PLCB1: variants seen among roughly 807,000 people sequenced by gnomAD.
PLCB1 encodes 1-phosphatidylinositol 4,5-bisphosphate phosphodiesterase beta-1.
A neutral mutation model predicts 161.8 loss-of-function variants in PLCB1; 46 were observed. The ratio of observed to expected loss-of-function variants is 0.28; its 90% CI spans 0.22 to 0.36. The LOEUF (loss-of-function observed/expected upper bound fraction) is 0.36. Among genes scored for constraint, PLCB1 ranks in the 10% least tolerant of loss-of-function variants. The pLI is 1.00. For synonymous variants in PLCB1, 517 were observed against 503.7 expected, an observed-to-expected ratio of 1.03 and a Z score of -0.35; for missense variants, 1,016 against 1,472.5, an observed-to-expected ratio of 0.69 and a Z score of 5.07.
At chr20:8,688,170 T>C (rs1052587907) in intron 10 of PLCB1, among the ~76,000 whole-genome samples, 1 of 152,226 alleles carries the variant, frequency 6.6e-6, no homozygotes, top group Non-Finnish European at 1.5e-5. Flanking sequence ...TTAGCCCACT[T>C]TTTGATGGAA....
intron 31 of PLCB1, among the ~76,000 whole-genome samples, chr20:8,827,056 T>C (rs1324983664): frequency 2.0e-5 from 3 of 152,168 alleles, no homozygotes; most frequent in African/African-American, 7.2e-5. Flanking sequence ...CTAAAGGAGG[T>C]ATAGGATTTT....
intron 2 of PLCB1, among the ~76,000 whole-genome samples, chr20:8,153,841 G>C (rs922325239): frequency 6.6e-6 from 1 of 152,122 alleles, no homozygotes; most frequent in Non-Finnish European, 1.5e-5. Flanking sequence ...AAAGGAATGG[G>C]AGGAAGAACA....
Position 8,329,590 on chromosome 20 carries a change from G to C in PLCB1, c.178-41792G>C, listed in dbSNP as rs114085821. ...ATTTCCAGAAAATTACAATGATCCA[G>C]GTTCTTCGCTGAAGCTACCATATCT... On this transcript the variant is annotated intron_variant, in intron 2 of 31. Coordinates refer to ENST00000338037, the MANE Select transcript of PLCB1 (RefSeq NM_015192.4). Among the ~76,000 whole-genome samples the C allele has an allele frequency of 6.4e-3, 981 of 152,242 alleles. 10 individuals carry two copies. The highest frequency in any genetic ancestry group is 0.022 in the African/African-American group (900 of 41,534).
At chr20:8,838,559 T>A (rs1986378796) in intron 31 of PLCB1, among the ~76,000 whole-genome samples, 1 of 152,234 alleles carries the variant, frequency 6.6e-6, no homozygotes, top group Non-Finnish European at 1.5e-5. Context: ...GCTATATTGG[T>A]TCTTGTGACC....
intron 31 of PLCB1, among the ~76,000 whole-genome samples, chr20:8,812,111 T>G (rs1984852540): frequency 6.6e-6 from 1 of 152,094 alleles, no homozygotes; most frequent in African/African-American, 2.4e-5. Flanking sequence ...AAGTCAGATC[T>G]GGGGGGCTAG....
chr20:8,642,146 T>A (rs942068311), intron 4 of PLCB1, among the ~76,000 whole-genome samples: 2 of 152,094 alleles, frequency 1.3e-5, no homozygotes, highest in African/African-American at 4.8e-5. Context: ...GTTAGTTGGG[T>A]TTTTTTGTAA....
At position 8,288,550 on chromosome 20, in the gene PLCB1, C is replaced by T. The variant is rs1173470306; in HGVS notation, c.178-82832C>T. 4.6e-5 allele frequency among the ~76,000 whole-genome samples: 7 copies of T among 152,310 alleles called. No individual in the cohort carries two copies. The East Asian group carries it at 1.2e-3, about 25-fold the overall frequency. On this transcript the variant is annotated intron_variant, in intron 2 of 31. Coordinates refer to ENST00000338037, the MANE Select transcript of PLCB1 (RefSeq NM_015192.4). ...TTGGGGTAGGAATTGCACCACAGAGCTGTCCTGCAGAATGTCATGGACTAC... is the reference window on the plus strand; with the variant it reads ...TTGGGGTAGGAATTGCACCACAGAGTTGTCCTGCAGAATGTCATGGACTAC...
intron 3 of PLCB1, among the ~76,000 whole-genome samples, chr20:8,393,923 C>A (rs1987685543): frequency 6.6e-6 from 1 of 151,964 alleles, no homozygotes; most frequent in Non-Finnish European, 1.5e-5. Flanking sequence ...GTGATCTAAA[C>A]CAGAAAGGCC....
chr20:8,273,317 T>G (rs571196257), intron 2 of PLCB1, among the ~76,000 whole-genome samples: 2 of 152,288 alleles, frequency 1.3e-5, no homozygotes, highest in East Asian at 3.9e-4. Flanking sequence ...CAACAATAAC[T>G]TCCTTTTGGC....
chr20:8,496,487 G>T (rs1983178674), intron 3 of PLCB1, among the ~76,000 whole-genome samples: 1 of 152,196 alleles, frequency 6.6e-6, no homozygotes, highest in Admixed American at 6.5e-5. Flanking sequence ...GAGAGAGGGA[G>T]ATGCAGGGTA....
At chr20:8,166,462 G>T (rs1047673042) in intron 2 of PLCB1, among the ~76,000 whole-genome samples, 2 of 151,994 alleles carry the variant, frequency 1.3e-5, no homozygotes, top group Admixed American at 6.6e-5. Context: ...TACTTTACTG[G>T]CTGTAAGTTG....
At chr20:8,738,653 T>C (rs940281543) in intron 20 of PLCB1, among the ~76,000 whole-genome samples, 3 of 152,246 alleles carry the variant, frequency 2.0e-5, no homozygotes, top group African/African-American at 7.2e-5. Flanking sequence ...GATAGAACTT[T>C]TGTCATTTCC....
intron 2 of PLCB1, among the ~76,000 whole-genome samples, chr20:8,153,028 A>G (rs1194766626): frequency 6.6e-6 from 1 of 152,186 alleles, no homozygotes; most frequent in African/African-American, 2.4e-5. Flanking sequence ...AGACAATGAC[A>G]TGCTACCTTC....
chr20:8,730,690 C>T lies in PLCB1; in HGVS notation c.1888+1516C>T, dbSNP rs139773960. 3.2e-4 allele frequency among the ~76,000 whole-genome samples: 48 copies of T among 151,754 alleles called. 2 individuals carry two copies. The East Asian group carries it at 9.3e-3, about 29-fold the overall frequency. On this transcript the variant is annotated intron_variant, in intron 18 of 31. Coordinates refer to ENST00000338037, the MANE Select transcript of PLCB1 (RefSeq NM_015192.4). Reference sequence around the variant, plus strand: ...TATAAATTTATCTGACAAAAACTGACACCTTTTTAATTTTTAGTTTTTCTG... The same window carrying T: ...TATAAATTTATCTGACAAAAACTGATACCTTTTTAATTTTTAGTTTTTCTG...
chr20:8,417,364 C>T (rs1024094886), intron 3 of PLCB1, among the ~76,000 whole-genome samples: 1 of 151,246 alleles, frequency 6.6e-6, no homozygotes. Context: ...CATACGCACC[C>T]ACATTTATAA....
intron 2 of PLCB1, among the ~76,000 whole-genome samples, chr20:8,369,175 A>G (rs956748864): frequency 6.6e-6 from 1 of 152,198 alleles, no homozygotes; most frequent in Non-Finnish European, 1.5e-5. Context: ...AGAATGCACT[A>G]TCATTTTGCC....
At chr20:8,184,330 A>G (rs777154430) in intron 2 of PLCB1, among the ~76,000 whole-genome samples, 3 of 152,188 alleles carry the variant, frequency 2.0e-5, no homozygotes, top group Non-Finnish European at 4.4e-5. Context: ...TCACTGCAGA[A>G]TAAGTTGTTT....
intron 3 of PLCB1, among the ~76,000 whole-genome samples, chr20:8,410,243 G>C (rs1180734717): frequency 1.3e-5 from 2 of 152,230 alleles, no homozygotes; most frequent in South Asian, 2.1e-4. Flanking sequence ...ATGACAAAGA[G>C]TGTTGCTTTC....
At chr20:8,771,877 G>GTTCCTTCCTTCCTTCATTCC (rs139759464) in intron 26 of PLCB1, among the ~76,000 whole-genome samples, 46,399 of 149,902 alleles carry the variant, frequency 0.31, 7,235 homozygotes, top group Middle Eastern at 0.48. Flanking sequence ...TCCTTCCTTC[G>GTTCCTTCCTTCCTTCATTCC]TTCCTTCCTT....
Sources: allele counts gnomAD v4.1 joint callset (sites outside exome capture counted in the v4.1 genomes callset), GRCh38; gene constraint gnomAD v4.1.1; transcripts MANE v1.5; gene names NCBI Gene and HGNC (gene_info 2026-07-23, HGNC 2026-07-21).